OPHN1: variants seen among roughly 807,000 people sequenced by gnomAD.
OPHN1 encodes the protein oligophrenin-1.
OPHN1 carries 11 observed loss-of-function variants against 60.7 expected under a neutral mutation model. The ratio of observed to expected loss-of-function variants is 0.18; its 90% CI spans 0.11 to 0.30. The LOEUF (loss-of-function observed/expected upper bound fraction) is 0.30. OPHN1 is among the 10% of genes least tolerant of loss of function. The pLI, the probability that OPHN1 is intolerant of heterozygous loss-of-function variation, is 1.00. For synonymous variants in OPHN1, 226 were observed against 222.6 expected (o/e 1.02, Z -0.14); for missense variants, 449 against 611.0 (o/e 0.73, Z 2.80).
intron 2 of OPHN1, among the ~76,000 whole-genome samples, chrX:68,414,371 C>G (rs1264470358): frequency 9.0e-6 from 1 of 111,576 alleles, no homozygotes; most frequent in Admixed American, 9.6e-5. Context: ...ATGGGTAAGG[C>G]TGTGTGACTA....
intron 19 of OPHN1, among the ~76,000 whole-genome samples, chrX:68,086,974 C>G (rs2076998208): frequency 8.9e-6 from 1 of 112,140 alleles, no homozygotes; most frequent in Non-Finnish European, 1.9e-5. Context: ...AACACTCTTT[C>G]CACTATAAAC....
At chrX:68,293,376 A>G (rs979077445) in intron 3 of OPHN1, among the ~76,000 whole-genome samples, 1 of 112,167 alleles carries the variant, frequency 8.9e-6, no homozygotes, top group Non-Finnish European at 1.9e-5. Context: ...GGGACTGACA[A>G]TGTTAAACCC....
intron 9 of OPHN1, among the ~76,000 whole-genome samples, chrX:68,209,102 C>T (rs1264068959): frequency 8.9e-6 from 1 of 112,095 alleles, no homozygotes; most frequent in Non-Finnish European, 1.9e-5. Context: ...GGGTGTGTGT[C>T]CTCTGTTTAT....
intron 5 of OPHN1, among the ~76,000 whole-genome samples, chrX:68,266,126 T>C (rs1024215803): frequency 9.0e-6 from 1 of 111,491 alleles, no homozygotes; most frequent in Non-Finnish European, 1.9e-5. Flanking sequence ...CCAGGAGAAC[T>C]TCCCCAATCT....
At chrX:68,239,724 C>T (rs899475663) in intron 5 of OPHN1, among the ~76,000 whole-genome samples, 1 of 111,874 alleles carries the variant, frequency 8.9e-6, no homozygotes, top group Non-Finnish European at 1.9e-5. Context: ...GCAAATAACA[C>T]CATGCTGTTT....
chrX:68,313,021 G>C (rs1041291539), intron 2 of OPHN1, among the ~76,000 whole-genome samples: 1 of 110,805 alleles, frequency 9.0e-6, no homozygotes, highest in Admixed American at 9.7e-5. Context: ...GGAGTATTAC[G>C]TGAGCCCAGG....
At position 68,165,387 on chromosome X, in the gene OPHN1, T is replaced by C. The variant is rs1382273534; in HGVS notation, c.1276+27532A>G. On this transcript the variant is annotated intron_variant, in intron 15 of 24. Coordinates refer to ENST00000355520, the MANE Select transcript of OPHN1 (RefSeq NM_002547.3). ...GGACCCTAAGAGATGATGGTAGAGT[T>C]ATTCGTTGCCATAACTGCAATATTG... is the stretch of plus-strand genomic sequence containing the variant. 3.3e-5 allele frequency among the ~76,000 whole-genome samples: 3 copies of C among 89,819 alleles called. No homozygotes were observed. In the East Asian group the frequency reaches 1.1e-3, roughly 32 times the overall value. 78.0% of individuals were successfully genotyped at this position (89,819 alleles called of 115,157 possible). A position where few individuals can be genotyped will look rare whatever the true frequency, so the allele number is the denominator to read the frequency against.
chrX:68,275,319 T>C (rs943852732), intron 4 of OPHN1, among the ~76,000 whole-genome samples: 3 of 111,930 alleles, frequency 2.7e-5, no homozygotes, highest in African/African-American at 9.7e-5. Flanking sequence ...GACTAGGCTT[T>C]CAAATTACCT....
intron 2 of OPHN1, among the ~76,000 whole-genome samples, chrX:68,340,183 G>C (rs1040816815): frequency 8.9e-6 from 1 of 111,916 alleles, no homozygotes; most frequent in Non-Finnish European, 1.9e-5. Context: ...CAAAATCCCA[G>C]CTGTCTTTCT....
At chrX:68,145,578 A>C (rs1452961488) in intron 15 of OPHN1, among the ~76,000 whole-genome samples, 1 of 111,904 alleles carries the variant, frequency 8.9e-6, no homozygotes, top group Non-Finnish European at 1.9e-5. Context: ...TTTTAATATC[A>C]TGCTGTATTT....
chrX:68,375,459 G>GA (rs1405009142), intron 2 of OPHN1, among the ~76,000 whole-genome samples: 2 of 111,947 alleles, frequency 1.8e-5, no homozygotes, highest in African/African-American at 6.5e-5. Context: ...TCCCTGAGGA[G>GA]AAAAAAATGA....
At chrX:68,397,333 T>A (rs2078689812) in intron 2 of OPHN1, among the ~76,000 whole-genome samples, 1 of 110,184 alleles carries the variant, frequency 9.1e-6, no homozygotes, top group African/African-American at 3.3e-5. Context: ...AGGCTTCTTA[T>A]CGGAGAACAT....
rs148530487 is a variant in OPHN1, at chrX:68,073,647, C to T, written c.1687-348G>A. Among the ~76,000 whole-genome samples the T allele has an allele frequency of 1.8e-4, 20 of 111,981 alleles. No individual in the cohort carries two copies. The East Asian group carries it at 5.7e-3, about 32-fold the overall frequency. On this transcript the variant is annotated intron_variant, in intron 19 of 24. Transcript: ENST00000355520. ...TTTCTCATCCGTAACATAGGGACAG[C>T]ATCACCCACTTCACAGAGTGTGGTA...
intron 18 of OPHN1, among the ~76,000 whole-genome samples, chrX:68,102,857 C>T (rs1409629373): frequency 9.0e-6 from 1 of 111,643 alleles, no homozygotes; most frequent in Non-Finnish European, 1.9e-5. Context: ...AGACCAATAA[C>T]AAGTTCTGAA....
chrX:68,231,600 A>G (rs924529468), intron 6 of OPHN1, among the ~76,000 whole-genome samples: 2 of 112,127 alleles, frequency 1.8e-5, no homozygotes, highest in African/African-American at 6.5e-5. Context: ...AGACAATGGC[A>G]TATTATTCAG....
intron 2 of OPHN1, among the ~76,000 whole-genome samples, chrX:68,303,500 T>G (rs2078130640): frequency 9.2e-6 from 1 of 109,196 alleles, no homozygotes; most frequent in African/African-American, 3.3e-5. Flanking sequence ...AATACAAAAT[T>G]AGCCAGGTGT....
chrX:68,354,452 CAA>C (rs1172935913), intron 2 of OPHN1, among the ~76,000 whole-genome samples: 1 of 24,842 alleles, frequency 4.0e-5, no homozygotes. Context: ...GACTCCATCT[CAA>C]AAAAAAAAAA....
intron 19 of OPHN1, among the ~76,000 whole-genome samples, chrX:68,084,112 C>T (rs780393730): frequency 9.1e-6 from 1 of 110,007 alleles, no homozygotes; most frequent in South Asian, 4.0e-4. Flanking sequence ...ACAGGATTGC[C>T]ACCAACATTC....
chrX:68,331,124 G>A (rs897100718), intron 2 of OPHN1, among the ~76,000 whole-genome samples: 1 of 103,577 alleles, frequency 9.7e-6, no homozygotes, highest in Non-Finnish European at 1.9e-5. Flanking sequence ...ATATAGTTAT[G>A]TTTATATAAT....
Sources: allele counts gnomAD v4.1 joint callset (sites outside exome capture counted in the v4.1 genomes callset), GRCh38; gene constraint gnomAD v4.1.1; transcripts MANE v1.5; gene names NCBI Gene and HGNC (gene_info 2026-07-23, HGNC 2026-07-21).